The following NAV3 variants were observed in gnomAD, a reference collection of about 807,000 sequenced individuals.
NAV3 encodes the protein pore membrane and/or filament interacting like protein 1.
A neutral mutation model predicts 244.7 loss-of-function variants in NAV3; 87 were observed. That is an observed-to-expected ratio of 0.36 (90% CI 0.30 to 0.42). NAV3 has a LOEUF of 0.42. Ranked by LOEUF, NAV3 falls within the 20% of genes least tolerant of loss-of-function variation. The pLI is 1.00. For synonymous variants in NAV3, 1,126 were observed against 1,042.2 expected, an observed-to-expected ratio of 1.08 and a Z score of -1.55; for missense variants, 2,663 against 2,893.3, an observed-to-expected ratio of 0.92 and a Z score of 1.83.
At chr12:77,870,036 G>A (rs1293337868) in intron 1 of NAV3, among the ~76,000 whole-genome samples, 1 of 152,102 alleles carries the variant, frequency 6.6e-6, no homozygotes, top group Non-Finnish European at 1.5e-5. Flanking sequence ...TTATCTAAAT[G>A]TTACTGCAAT....
chr12:77,700,911 T>A (rs1379458890), intron 2 of NAV3, among the ~76,000 whole-genome samples: 2 of 130,582 alleles, frequency 1.5e-5, no homozygotes, highest in African/African-American at 5.3e-5. Context: ...TTATGTACTA[T>A]GAACTCTTTT....
chr12:77,729,041 G>A (rs1308978502), intron 2 of NAV3, among the ~76,000 whole-genome samples: 2 of 151,898 alleles, frequency 1.3e-5, no homozygotes, highest in Non-Finnish European at 2.9e-5. Context: ...TGTATTGTAA[G>A]AATATAGTAT....
intron 2 of NAV3, among the ~76,000 whole-genome samples, chr12:77,720,143 C>T (rs997776250): frequency 9.0e-6 from 1 of 111,692 alleles, no homozygotes. Context: ...CAGTTTCTTA[C>T]TTTACTTGAG....
At position 78,059,670 on chromosome 12, in the gene NAV3, G is replaced by A. The variant is rs139426312; in HGVS notation, c.2636+555G>A. 2.2e-3 allele frequency among the ~76,000 whole-genome samples: 335 copies of A among 152,110 alleles called. 1 individual carries two copies. The highest frequency in any genetic ancestry group is 7.9e-3 in the African/African-American group (326 of 41,516). On this transcript the variant is annotated intron_variant, in intron 12 of 39. Transcript: ENST00000397909. ...TAATACCAAAAATAAATGTATGGCT[G>A]GGGAGATTTTTTTTTAATTTCAGGT...
At chr12:78,024,348 C>A (rs1430281834) in intron 9 of NAV3, among the ~76,000 whole-genome samples, 3 of 152,172 alleles carry the variant, frequency 2.0e-5, no homozygotes, top group Non-Finnish European at 4.4e-5. Flanking sequence ...ACTCACTTTA[C>A]ATATATGACC....
intron 30 of NAV3, among the ~76,000 whole-genome samples, chr12:78,181,915 C>T (rs1217283494): frequency 2.0e-5 from 3 of 151,940 alleles, no homozygotes; most frequent in Non-Finnish European, 4.4e-5. Flanking sequence ...AATCACATCT[C>T]TTCTAAAAAG....
chr12:78,127,202 G>T lies in NAV3; in HGVS notation c.4274G>T (p.Gly1425Val). 3 of 1,613,428 alleles carry T rather than the reference G, an allele frequency of 1.9e-6. No homozygotes were observed. Among genetic ancestry groups the T allele is most frequent in the African/African-American group, 2.7e-5 (2 of 74,992 alleles). Residue 1425 changes from glycine (G) to valine (V), a missense_variant, in exon 17 of 40, where the codon GGA (glycine) becomes GTA (valine). Gly to Val is a moderately radical substitution (Grantham distance 109). Transcript: ENST00000397909. ...GACAGAAATACACTACCCAAAAAGG[G>T]ACTAAGGTATATATTCCTCTCAGCA... Reference protein sequence around the residue: ...QLDRNTLPKKGLRYTPSSRQA... With the variant: ...QLDRNTLPKKVLRYTPSSRQA...
At chr12:77,659,773 T>C (rs1042423261) in intron 2 of NAV3, among the ~76,000 whole-genome samples, 1 of 152,124 alleles carries the variant, frequency 6.6e-6, no homozygotes, top group Non-Finnish European at 1.5e-5. Flanking sequence ...TGGAATACTA[T>C]GCAGCCATAA....
intron 23 of NAV3, among the ~76,000 whole-genome samples, chr12:78,161,998 A>G (rs1435043677): frequency 6.6e-6 from 1 of 152,132 alleles, no homozygotes; most frequent in Non-Finnish European, 1.5e-5. Flanking sequence ...GGTGTGTTTT[A>G]TTCTCATTTT....
At position 78,168,784 on chromosome 12, in the gene NAV3, C is replaced by T. The variant is rs1323123571; in HGVS notation, c.4899C>T (p.Thr1633=). ...KESELIELRE[T]IEMLKAQNSA... ...CTGAACTTATAGAACTAAGAGAAAC[C>T]ATTGAAATGCTGAAGGCTCAGAATT... The change falls in exon 24 of 40, where the codon ACC becomes ACT. Residue 1633 remains threonine (T), a synonymous_variant. Coordinates refer to ENST00000397909, the MANE Select transcript of NAV3 (RefSeq NM_001024383.2). The T allele has an allele frequency of 1.2e-6, 2 of 1,610,178 alleles. No individual in the cohort carries two copies. Among genetic ancestry groups the T allele is most frequent in the South Asian group, 1.1e-5 (1 of 90,894 alleles).
At position 77,810,393 on chromosome 12, in the gene NAV3, G is replaced by A. The variant is rs1050049517; in HGVS notation, c.73-129926G>A. 9.9e-5 allele frequency among the ~76,000 whole-genome samples: 15 copies of A among 152,000 alleles called. No individual in the cohort carries two copies. The South Asian group carries it at 1.0e-3, about 10-fold the overall frequency. On this transcript the variant is annotated intron_variant, in intron 2 of 8. Coordinates refer to the NAV3 transcript ENST00000550042. ...TCACTGTGTTAGCCAGGATGGTCTC[G>A]ATCTCCTGACCTCATGATCCGCCCA...
intron 2 of NAV3, among the ~76,000 whole-genome samples, chr12:77,706,851 A>G (rs567290712): frequency 2.8e-5 from 4 of 144,198 alleles, no homozygotes; most frequent in Admixed American, 6.8e-5. Flanking sequence ...AGCCTGGGCA[A>G]CAGAGTGAGA....
rs367849162 is a variant in NAV3 at position 78,144,030 on chromosome 12, T to TAAATACTTCAAGTC, written c.4684-2338_4684-2325dup. Among the ~76,000 whole-genome samples the TAAATACTTCAAGTC allele has an allele frequency of 1.4e-3, 206 of 152,348 alleles. 1 individual carries two copies. Among genetic ancestry groups the TAAATACTTCAAGTC allele is most frequent in the African/African-American group, 4.5e-3 (186 of 41,582 alleles). On this transcript the variant is annotated intron_variant, in intron 20 of 39. Transcript: ENST00000397909. ...AGCCAAGGAAGATCATGTGACTATT[T>TAAATACTTCAAGTC]AAATACTTCAAGTCCATTTATTCTT...
intron 8 of NAV3, among the ~76,000 whole-genome samples, chr12:78,015,780 T>C (rs1876094756): frequency 6.6e-6 from 1 of 152,110 alleles, no homozygotes; most frequent in African/African-American, 2.4e-5. Context: ...GTTGCCTGAA[T>C]TAATAATGTG....
intron 12 of NAV3, among the ~76,000 whole-genome samples, chr12:78,103,385 TA>T (rs1954636981): frequency 6.6e-6 from 1 of 152,172 alleles, no homozygotes; most frequent in South Asian, 2.1e-4. Context: ...TATATCACTA[TA>T]AAAATTTTTG....
At chr12:77,594,776 A>C (rs549233732) in intron 2 of NAV3, among the ~76,000 whole-genome samples, 1 of 152,350 alleles carries the variant, frequency 6.6e-6, no homozygotes, top group South Asian at 2.1e-4. Context: ...ATTTGTAAAT[A>C]GCCATTCTTT....
At chr12:77,830,512 T>C (rs374909479), upstream of NAV3, among the ~76,000 whole-genome samples, 13 of 152,364 alleles carry the variant, frequency 8.5e-5, no homozygotes, top group East Asian at 2.5e-3. Flanking sequence ...TAGCTTTGAA[T>C]GTTTTTATAA....
In NAV3 at chr12:78,207,077, C is replaced by T. The variant is rs139539252; in HGVS notation, c.7038+1939C>T. Among the ~76,000 whole-genome samples the T allele has an allele frequency of 2.0e-4, 30 of 151,890 alleles. 1 individual carries two copies. In the East Asian group the frequency reaches 3.1e-3, roughly 16 times the overall value. On this transcript the variant is annotated intron_variant, in intron 39 of 39. Transcript: ENST00000397909. ...TTCTCTATGTTGATCAGACTGGTGA[C>T]GATCTATCTGTTTTTATTTCTATGT...
chr12:77,875,871 G>A (rs975497702), intron 1 of NAV3, among the ~76,000 whole-genome samples: 3 of 151,956 alleles, frequency 2.0e-5, no homozygotes, highest in African/African-American at 7.2e-5. Flanking sequence ...CAATACTTAA[G>A]AGGATCCATA....
Sources: allele counts gnomAD v4.1 joint callset (sites outside exome capture counted in the v4.1 genomes callset), GRCh38; gene constraint gnomAD v4.1.1; transcripts MANE v1.5; gene names NCBI Gene and HGNC (gene_info 2026-07-23, HGNC 2026-07-21).